The following PFKFB2 variants were observed in gnomAD, a reference collection of about 807,000 sequenced individuals.
PFKFB2 encodes 6-phosphofructo-2-kinase/fructose-2,6-bisphosphatase 2.
A neutral mutation model predicts 68.0 loss-of-function variants in PFKFB2; 53 were observed. The observed-to-expected ratio is 0.78, with a 90% CI of 0.63 to 0.98. PFKFB2 has a LOEUF of 0.98. Ranked by LOEUF, PFKFB2 falls within the 50% of genes least tolerant of loss-of-function variation. PFKFB2 has a pLI of 0.00. For missense variants in PFKFB2, 451 were observed against 642.0 expected (o/e 0.70, Z 3.22); for synonymous variants, 222 against 227.6 (o/e 0.98, Z 0.22).
At chr1:207,049,156 G>A (rs1216319172), upstream of PFKFB2, 1 of 1,613,998 alleles carries the variant, frequency 6.2e-7, no homozygotes, top group African/African-American at 1.3e-5. Flanking sequence ...CCTTCTTCTA[G>A]CTTCATCTGC....
At position 207,063,957 on chromosome 1, in the gene PFKFB2, A is replaced by G. The variant is rs544553612; in HGVS notation, c.507+128A>G. 4.7e-5 allele frequency: 34 copies of G among 728,604 alleles called. No individual in the cohort carries two copies. Among genetic ancestry groups the G allele is most frequent in the Admixed American group, 4.3e-4 (23 of 54,004 alleles). 45.1% of individuals were successfully genotyped at this position (728,604 alleles called of 1,614,324 possible). A position where few individuals can be genotyped will look rare whatever the true frequency, so the allele number is the denominator to read the frequency against. Reference sequence around the variant, plus strand: ...TTTTCGTAATGAAAGAGAGAAATAGACATGTTTAACATCACAAAGAGATCT... The same window carrying G: ...TTTTCGTAATGAAAGAGAGAAATAGGCATGTTTAACATCACAAAGAGATCT... On this transcript the variant is annotated intron_variant, in intron 7 of 14. Coordinates refer to ENST00000367080, the MANE Select transcript of PFKFB2 (RefSeq NM_006212.2). This position sits in a 1 kb window ranked among gnomAD's most constrained non-coding sequence, Gnocchi z 4.1.
rs1253047873 is a variant in PFKFB2 at position 207,074,710 on chromosome 1, A to G, written c.*2339A>G. ...GGCTGGTAGGGGCAGGGATAGGGGA[A>G]AGCTAAACAGAAGTAGAAGAAAAGG... On this transcript the variant is annotated 3_prime_UTR_variant, in exon 15 of 15. Transcript: ENST00000367080. The G allele has an allele frequency of 1.0e-6, 1 of 985,334 alleles. No individual in the cohort carries two copies. The highest frequency in any genetic ancestry group is 1.2e-6 in the Non-Finnish European group (1 of 829,922). The allele number at this position is 985,334 out of a possible 1,614,324, so 61.0% of individuals were successfully genotyped here.
At chr1:207,060,910 C>T (rs765248280) in intron 2 of PFKFB2, 2 of 146,292 alleles carry the variant, frequency 1.4e-5, no homozygotes, top group Non-Finnish European at 3.0e-5. Flanking sequence ...AAGCAATCCT[C>T]CTGAGTAGCT....
At chr1:207,046,354 C>A (rs1682601569) in intron 2 of PFKFB2, 1 of 151,828 alleles carries the variant, frequency 6.6e-6, no homozygotes, top group African/African-American at 2.4e-5. Context: ...TAACTAATTC[C>A]AAGAGTTTAA....
At chr1:207,047,661 T>C (rs1558053191) in intron 2 of PFKFB2, 1 of 152,640 alleles carries the variant, frequency 6.6e-6, no homozygotes, top group Non-Finnish European at 1.5e-5. Flanking sequence ...GAAGATCTTG[T>C]AGTGAAGCTA....
upstream of PFKFB2, chr1:207,049,475 T>C (rs147748093): frequency 1.4e-5 from 22 of 1,614,120 alleles, no homozygotes; most frequent in Non-Finnish European, 1.9e-5. Context: ...ATTGCCTCAC[T>C]ATAGAAGTCT....
intron 2 of PFKFB2, among the ~76,000 whole-genome samples, chr1:207,042,753 T>C (rs1682505232): frequency 1.3e-5 from 2 of 152,062 alleles, no homozygotes; most frequent in African/African-American, 2.4e-5. Flanking sequence ...ACATAATGGA[T>C]TGTTTAGAAT....
At chr1:207,044,315 A>G (rs900375598) in intron 2 of PFKFB2, 3 of 152,588 alleles carry the variant, frequency 2.0e-5, no homozygotes, top group African/African-American at 7.2e-5. Flanking sequence ...AAGGAAAAAT[A>G]CTATTCTGCT....
At position 207,063,237 on chromosome 1, in the gene PFKFB2, C is replaced by G; in HGVS notation, c.375+28C>G. On this transcript the variant is annotated intron_variant, in intron 5 of 14. Coordinates refer to ENST00000367080, the MANE Select transcript of PFKFB2 (RefSeq NM_006212.2). This position sits in a 1 kb window ranked among gnomAD's most constrained non-coding sequence, Gnocchi z 4.1. ...AAGCTTTATCTGCTGCTTCTTCTTT[C>G]TGGTCCCCACCCTTGCAGCAGCCTG... 1 of 1,605,896 alleles carries G rather than the reference C, an allele frequency of 6.2e-7. No homozygotes were observed. The highest frequency in any genetic ancestry group is 1.1e-5 in the South Asian group (1 of 90,922).
At chr1:207,079,064 A>G (rs1683702083), downstream of PFKFB2, 1 of 1,516,168 alleles carries the variant, frequency 6.6e-7, no homozygotes. Context: ...ACTGGGATCT[A>G]CTGAAAAGCT....
chr1:207,054,572 C>G (rs1682859109), intron 1 of PFKFB2, 129 bp from the exon 2 acceptor site: 1 of 593,100 alleles, frequency 1.7e-6, no homozygotes, highest in Non-Finnish European at 3.0e-6. Flanking sequence ...CTGGGAGAAA[C>G]AGGACTGAAC....
rs1298162946 is a variant in PFKFB2 at position 207,073,454 on chromosome 1, A to T, written c.*1083A>T. 7 of 985,382 alleles carry T rather than the reference A, an allele frequency of 7.1e-6. No individual in the cohort carries two copies. The highest frequency in any genetic ancestry group is 8.4e-6 in the Non-Finnish European group (7 of 829,942). The allele number at this position is 985,382 out of a possible 1,614,324, so 61.0% of individuals were successfully genotyped here. On this transcript the variant is annotated 3_prime_UTR_variant, in exon 15 of 15. Transcript: ENST00000367080. ...AGTTGCTCAAGGCAAGAGGCAGAGAAGAGTTCACTAAAACTGCTTATTTTT... is the reference window on the plus strand; with the variant it reads ...AGTTGCTCAAGGCAAGAGGCAGAGATGAGTTCACTAAAACTGCTTATTTTT...
At chr1:207,043,314 T>C (rs983346735) in intron 2 of PFKFB2, among the ~76,000 whole-genome samples, 3 of 152,234 alleles carry the variant, frequency 2.0e-5, no homozygotes, top group Non-Finnish European at 2.9e-5. Flanking sequence ...TATGCTGCTG[T>C]ACAAACTGAT....
chr1:207,041,706 G>A (rs1404747810), intron 1 of PFKFB2, among the ~76,000 whole-genome samples: 2 of 152,196 alleles, frequency 1.3e-5, no homozygotes, highest in East Asian at 3.8e-4. Context: ...GTGTGCATGT[G>A]TCTTTATAGC....
intron 14 of PFKFB2, 34 bp from the exon 15 acceptor site, chr1:207,072,170 T>G: frequency 6.2e-7 from 1 of 1,605,658 alleles, no homozygotes; most frequent in Non-Finnish European, 8.5e-7. Context: ...TGGCTTGGCT[T>G]TCATTTGTGT....
At chr1:207,042,973 T>C (rs1479578813) in intron 2 of PFKFB2, among the ~76,000 whole-genome samples, 1 of 152,188 alleles carries the variant, frequency 6.6e-6, no homozygotes, top group Non-Finnish European at 1.5e-5. Flanking sequence ...CGCAAGTTGA[T>C]TAATGGTTCA....
At position 207,068,634 on chromosome 1, in the gene PFKFB2, A is replaced by G. The variant is rs554376091; in HGVS notation, c.987+325A>G. On this transcript the variant is annotated intron_variant, in intron 10 of 14. Transcript: ENST00000367080. Reference sequence around the variant, plus strand: ...TGCCTCCTGGGAAAAATAAATAGCTAACAACCCACTTCTTTGCTTTCTGCT... The same window carrying G: ...TGCCTCCTGGGAAAAATAAATAGCTGACAACCCACTTCTTTGCTTTCTGCT... Among the ~76,000 whole-genome samples, 241 of 152,284 alleles carry G rather than the reference A, an allele frequency of 1.6e-3. 1 individual carries two copies. The highest frequency in any genetic ancestry group is 5.5e-3 in the African/African-American group (230 of 41,544).
intron 11 of PFKFB2, 39 bp downstream of exon 11, chr1:207,069,567 C>A: frequency 1.5e-6 from 2 of 1,290,344 alleles, no homozygotes; most frequent in South Asian, 1.2e-5. Flanking sequence ...TGCCTAGACC[C>A]TTGCTGAGTG....
chr1:207,042,976 A>G (rs1682508974), intron 2 of PFKFB2, among the ~76,000 whole-genome samples: 1 of 152,176 alleles, frequency 6.6e-6, no homozygotes. Context: ...AAGTTGATTA[A>G]TGGTTCATTT....
Sources: gnomAD v4.1 joint callset for allele counts (sites outside exome capture counted in the v4.1 genomes callset) on GRCh38, gnomAD v4.1.1 for gene constraint, Gnocchi (gnomAD v3.1) non-coding constraint, MANE v1.5 for transcripts, NCBI Gene and HGNC (gene_info 2026-07-23, HGNC 2026-07-21) for gene names.